The following C14orf93 variants were observed in gnomAD, a reference collection of about 807,000 sequenced individuals.
C14orf93 encodes the protein uncharacterized protein C14orf93.
C14orf93 carries 23 observed loss-of-function variants against 44.0 expected under a neutral mutation model. The observed-to-expected ratio is 0.52, with a 90% CI of 0.38 to 0.74. The LOEUF is 0.74. Among genes scored for constraint, C14orf93 ranks in the 30% least tolerant of loss-of-function variants. The pLI is 0.00. For synonymous variants in C14orf93, 253 were observed against 265.7 expected (o/e 0.95, Z 0.46); for missense variants, 579 against 678.9 (o/e 0.85, Z 1.64).
chr14:22,996,977 GCA>G lies in C14orf93; in HGVS notation c.598-711_598-710del, dbSNP rs1566682527. ...AAATACTGAAAGTGGGGACACACAC[GCA>G]CACGCACACACACACACACACACAC... On this transcript the variant is annotated intron_variant, in intron 2 of 6. Coordinates refer to ENST00000299088, the MANE Select transcript of C14orf93 (RefSeq NM_021944.4). The surrounding 1 kb of genome is among the most constrained non-coding windows in gnomAD (Gnocchi z 4.1). 6.7e-6 allele frequency among the ~76,000 whole-genome samples: 1 copy of G among 149,236 alleles called. No individual in the cohort carries two copies. The highest frequency in any genetic ancestry group is 1.5e-5 in the Non-Finnish European group (1 of 67,820).
intron 1 of C14orf93, among the ~76,000 whole-genome samples, chr14:23,002,350 G>A (rs1014469696): frequency 1.3e-5 from 2 of 151,112 alleles, no homozygotes; most frequent in African/African-American, 4.9e-5. Flanking sequence ...TACTCAGGAG[G>A]CTGAGGGAGA....
At chr14:22,988,259 G>A (rs770594367) in intron 5 of C14orf93, among the ~76,000 whole-genome samples, 6 of 151,360 alleles carry the variant, frequency 4.0e-5, no homozygotes, top group East Asian at 1.9e-4. Flanking sequence ...TCAGCCTCCC[G>A]AGTAGCTGGG....
Position 22,987,019 on chromosome 14 carries a change from A to C in C14orf93, c.*196T>G, listed in dbSNP as rs973439175. Reference sequence around the variant, plus strand: ...TATTCTGGCTTACTGTTCACAGTGGAGGGAGTTTCTCCCCTTCTAGATAAG... The same window carrying C: ...TATTCTGGCTTACTGTTCACAGTGGCGGGAGTTTCTCCCCTTCTAGATAAG... On this transcript the variant is annotated 3_prime_UTR_variant, in exon 7 of 7. Transcript: ENST00000299088. The surrounding 1 kb of genome is among the most constrained non-coding windows in gnomAD (Gnocchi z 5.6). 3.3e-6 allele frequency: 2 copies of C among 614,280 alleles called. No individual in the cohort carries two copies. The highest frequency in any genetic ancestry group is 5.7e-6 in the Non-Finnish European group (2 of 352,650). 38.1% of individuals were successfully genotyped at this position (614,280 alleles called of 1,614,324 possible).
intron 3 of C14orf93, among the ~76,000 whole-genome samples, chr14:22,994,562 T>C (rs2045857344): frequency 6.7e-6 from 1 of 148,514 alleles, no homozygotes; most frequent in African/African-American, 2.5e-5. Flanking sequence ...GCAACTAAAA[T>C]ACAAAAATAC....
In C14orf93 at chr14:22,987,086, G is replaced by T; in HGVS notation, c.*129C>A. ...GTTCTGCTTCCCCAGTAGAGACTGT[G>T]TTAAGAAAAGAGGCAAATTTGCTTT... On this transcript the variant is annotated 3_prime_UTR_variant, in exon 7 of 7. Transcript: ENST00000299088. The surrounding 1 kb of genome is among the most constrained non-coding windows in gnomAD (Gnocchi z 5.6). The T allele has an allele frequency of 1.0e-6, 1 of 1,000,250 alleles. No individual in the cohort carries two copies. The highest frequency in any genetic ancestry group is 1.4e-6 in the Non-Finnish European group (1 of 694,602). 62.0% of individuals were successfully genotyped at this position (1,000,250 alleles called of 1,614,324 possible).
intron 1 of C14orf93, among the ~76,000 whole-genome samples, chr14:23,009,582 T>C (rs186430945): frequency 0.01 from 1,538 of 152,270 alleles, 26 homozygotes; most frequent in African/African-American, 0.036. Flanking sequence ...AATGTCTCCA[T>C]TATAATATCC....
intron 1 of C14orf93, chr14:23,005,912 C>T (rs2046599996): frequency 6.6e-6 from 1 of 152,132 alleles, no homozygotes; most frequent in Admixed American, 6.6e-5. Context: ...TTGGCAGTTC[C>T]CTTGCTTGCT....
At position 22,987,361 on chromosome 14, in the gene C14orf93, C is replaced by T. The variant is rs779937802; in HGVS notation, c.1471G>A (p.Glu491Lys). 6.2e-7 allele frequency: 1 copy of T among 1,614,218 alleles called. No individual in the cohort carries two copies. The highest frequency in any genetic ancestry group is 2.2e-5 in the East Asian group (1 of 44,890). Residue 491 changes from glutamate (E) to lysine (K), a missense_variant, in exon 7 of 7, where the codon GAA (glutamate) becomes AAA (lysine). By Grantham distance (56) the Glu-to-Lys change is moderately conservative. Transcript: ENST00000299088. This position sits in a 1 kb window ranked among gnomAD's most constrained non-coding sequence, Gnocchi z 5.6. The part of the protein sequence containing the change: ...PSAEAQLLPP[E>K]LYNPNFQEEE... ...TCTTGGAAATTAGGATTGTAAAGTT[C>T]TGGTGGAAGGAGCTGGGCTTCAGCA...
chr14:22,998,571 G>A lies in C14orf93; in HGVS notation c.453C>T (p.Gly151=), dbSNP rs767509835. 8.1e-6 allele frequency: 13 copies of A among 1,614,072 alleles called. No individual in the cohort carries two copies. The highest frequency in any genetic ancestry group is 1.6e-4 in the Middle Eastern group (1 of 6,062). Residue 151 remains glycine (G), a synonymous_variant, in exon 2 of 7, where the codon GGC becomes GGT. Transcript: ENST00000299088. ...VEEECDSVGS[G]VQVVIEELRQ... is the part of the protein sequence containing the mutation. ...GCAGCTCCTCAATCACCACCTGCAC[G>A]CCGCTGCCCACGCTGTCACACTCCT...
rs59873188 is a variant in C14orf93 at position 23,006,002 on chromosome 14, T to G, written c.-380+4099A>C. On this transcript the variant is annotated intron_variant, in intron 1 of 6. Transcript: ENST00000299088. Reference sequence around the variant, plus strand: ...TGAAAAATAAAAGTTTTCTCACTATTTAATAGATGTGTATGATATGGTATC... The same window carrying G: ...TGAAAAATAAAAGTTTTCTCACTATGTAATAGATGTGTATGATATGGTATC... 8.7e-3 allele frequency: 1,332 copies of G among 152,318 alleles called. 16 individuals carry two copies. The highest frequency in any genetic ancestry group is 0.03 in the African/African-American group (1,263 of 41,572). 9.4% of individuals were successfully genotyped at this position (152,318 alleles called of 1,614,324 possible).
Position 22,987,654 on chromosome 14 carries a change from G to A in C14orf93, c.1198-20C>T, listed in dbSNP as rs1238322907. The A allele has an allele frequency of 1.3e-6, 2 of 1,554,122 alleles. No homozygotes were observed. The highest frequency in any genetic ancestry group is 1.4e-5 in the African/African-American group (1 of 72,984). ...AAAAAGCTAAGGCAGGAACCCAGGAGATAGATTAGGAAGGTAAACATTCTA... is the reference window on the plus strand; with the variant it reads ...AAAAAGCTAAGGCAGGAACCCAGGAAATAGATTAGGAAGGTAAACATTCTA... On this transcript the variant is annotated intron_variant, in intron 6 of 6. Coordinates refer to ENST00000299088, the MANE Select transcript of C14orf93 (RefSeq NM_021944.4). The surrounding 1 kb of genome is among the most constrained non-coding windows in gnomAD (Gnocchi z 5.6).
chr14:22,999,081 A>C lies in C14orf93; in HGVS notation c.-58T>G. On this transcript the variant is annotated 5_prime_UTR_variant, in exon 2 of 7. Transcript: ENST00000299088. The stretch of plus-strand genomic sequence containing the variant: ...TGCTGGGCCGCTCCAACAGGTAGGA[A>C]GCATCAACTTCTCTGGACTCACTTT... The C allele has an allele frequency of 6.5e-7, 1 of 1,537,226 alleles. No individual in the cohort carries two copies. Among genetic ancestry groups the C allele is most frequent in the South Asian group, 1.2e-5 (1 of 80,512 alleles).
At chr14:23,001,839 TAAAAAAA>T (rs780256403) in intron 1 of C14orf93, among the ~76,000 whole-genome samples, 7 of 59,552 alleles carry the variant, frequency 1.2e-4, no homozygotes, top group South Asian at 1.5e-3. Context: ...TACTGCAGGT[TAAAAAAA>T]AAAAAAAAAA....
At position 22,999,360 on chromosome 14, in the gene C14orf93, A is replaced by G. The variant is rs2139658951; in HGVS notation, c.-337T>C. On this transcript the variant is annotated 5_prime_UTR_variant, in exon 2 of 7. Transcript: ENST00000299088. ...CCAGCATGGAACCCCCGACTAGTGC[A>G]ACCTAAGGAACAGGGAAGGGATTCA... 4.9e-6 allele frequency: 1 copy of G among 202,550 alleles called. No individual in the cohort carries two copies. Among genetic ancestry groups the G allele is most frequent in the South Asian group, 1.3e-4 (1 of 7,674 alleles). 12.5% of individuals were successfully genotyped at this position (202,550 alleles called of 1,614,324 possible).
At chr14:23,006,353 A>G (rs1272599593) in intron 1 of C14orf93, 1 of 152,208 alleles carries the variant, frequency 6.6e-6, no homozygotes, top group Non-Finnish European at 1.5e-5. Flanking sequence ...GACTCGACTA[A>G]TGGTCTGCAA....
At chr14:23,006,897 A>C (rs2139819904) in intron 1 of C14orf93, 1 of 152,736 alleles carries the variant, frequency 6.5e-6, no homozygotes, top group Admixed American at 6.5e-5. Flanking sequence ...TGCGGAGAGC[A>C]GAGCGGCCGG....
In C14orf93 at chr14:22,998,454, G is replaced by C; in HGVS notation, c.570C>G (p.Ala190=). The change falls in exon 2 of 7, where the codon GCC becomes GCG. Residue 190 remains alanine, a synonymous_variant. Transcript: ENST00000299088. ...GATTGAGCAGGGGGGCCGCCTCGCTGGCAGCCAGCGTGCACCCTGGGAGCC... is the reference window on the plus strand; with the variant it reads ...GATTGAGCAGGGGGGCCGCCTCGCTCGCAGCCAGCGTGCACCCTGGGAGCC... ...DMRLPGCTLA[A]SEAAPLLNPL... 1 of 1,587,088 alleles carries C rather than the reference G, an allele frequency of 6.3e-7. No individual in the cohort carries two copies. Among genetic ancestry groups the C allele is most frequent in the South Asian group, 1.1e-5 (1 of 88,604 alleles).
At chr14:23,007,440 A>C (rs1445109657) in intron 1 of C14orf93, among the ~76,000 whole-genome samples, 1 of 152,232 alleles carries the variant, frequency 6.6e-6, no homozygotes, top group East Asian at 1.9e-4. Context: ...AATCGGCGTC[A>C]CACGTTGGGT....
intron 3 of C14orf93, among the ~76,000 whole-genome samples, chr14:22,990,674 G>A (rs1594604352): frequency 6.6e-6 from 1 of 151,436 alleles, no homozygotes; most frequent in African/African-American, 2.4e-5. Context: ...TCACCATGTT[G>A]GCCAGGCTGG....
Sources: gnomAD v4.1 joint callset for allele counts (sites outside exome capture counted in the v4.1 genomes callset) on GRCh38, gnomAD v4.1.1 for gene constraint, Gnocchi (gnomAD v3.1) non-coding constraint, MANE v1.5 for transcripts, NCBI Gene and HGNC (gene_info 2026-07-23, HGNC 2026-07-21) for gene names.